PCDHA3: variants seen among roughly 807,000 people sequenced by gnomAD.
The protein encoded by PCDHA3 is protocadherin alpha-3.
Under a neutral mutation model 62.2 loss-of-function variants are expected in PCDHA3, and 41 were observed. The ratio of observed to expected loss-of-function variants is 0.66; its 90% CI spans 0.51 to 0.86. The LOEUF (loss-of-function observed/expected upper bound fraction) is 0.86, where lower values mean the gene tolerates loss of function less well. PCDHA3 is among the 40% of genes least tolerant of loss of function. The pLI, the probability that PCDHA3 is intolerant of heterozygous loss-of-function variation, is 0.00. For synonymous variants in PCDHA3, 640 were observed against 555.4 expected (o/e 1.15, Z -2.14); for missense variants, 1,304 against 1,241.2 (o/e 1.05, Z -0.76).
At chr5:140,848,934 C>A in intron 1 of PCDHA3, 1 of 1,607,578 alleles carries the variant, frequency 6.2e-7, no homozygotes, top group Non-Finnish European at 8.5e-7. Context: ...GGAATCCAGG[C>A]CGCTTGACTC....
chr5:140,950,662 C>T (rs1347125277), intron 1 of PCDHA3, among the ~76,000 whole-genome samples: 1 of 152,030 alleles, frequency 6.6e-6, no homozygotes, highest in East Asian at 1.9e-4. Flanking sequence ...CTGAGTTTAT[C>T]AAACATGTAC....
intron 1 of PCDHA3, chr5:140,966,644 GCGTGAGCGGT>G (rs1554228519): frequency 3.3e-5 from 37 of 1,127,012 alleles, no homozygotes; most frequent in Non-Finnish European, 4.3e-5. Flanking sequence ...GCTTTCTAGA[GCGTGAGCGGT>G]GGGGGAGCAG....
At chr5:140,914,339 C>T (rs1554196289) in intron 1 of PCDHA3, among the ~76,000 whole-genome samples, 1 of 152,130 alleles carries the variant, frequency 6.6e-6, no homozygotes, top group East Asian at 1.9e-4. Flanking sequence ...CCTTCTTTGT[C>T]TCTTTTTGGA....
chr5:140,825,955 C>T (rs1768768479), intron 1 of PCDHA3: 2 of 152,330 alleles, frequency 1.3e-5, no homozygotes, highest in African/African-American at 4.8e-5. Context: ...AACCATTTGT[C>T]TACTCTTTTG....
chr5:141,002,090 A>G (rs1554258504), intron 3 of PCDHA3, among the ~76,000 whole-genome samples: 1 of 152,254 alleles, frequency 6.6e-6, no homozygotes, highest in Non-Finnish European at 1.5e-5. Context: ...CGAGCAGTCC[A>G]GGGGCTGGGC....
chr5:140,895,733 G>C (rs1554186620), intron 1 of PCDHA3, among the ~76,000 whole-genome samples: 1 of 152,030 alleles, frequency 6.6e-6, no homozygotes, highest in Non-Finnish European at 1.5e-5. Context: ...CCATTCAATG[G>C]GCTGCAAAGG....
At position 140,823,008 on chromosome 5, in the gene PCDHA3, C is replaced by T. The variant is rs146843767; in HGVS notation, c.2394+19417C>T. 1.9e-4 allele frequency: 303 copies of T among 1,614,232 alleles called. 1 individual carries two copies. The African/African-American group carries it at 3.5e-3, about 18-fold the overall frequency. On this transcript the variant is annotated intron_variant, in intron 1 of 3. Coordinates refer to ENST00000522353, the MANE Select transcript of PCDHA3 (RefSeq NM_018906.3). ...ACTACTCGTTGGTGCTGGACAGCGCCCTGGACCGCGAGAGCGTGTCGGTCT... is the reference window on the plus strand; with the variant it reads ...ACTACTCGTTGGTGCTGGACAGCGCTCTGGACCGCGAGAGCGTGTCGGTCT...
Position 140,927,170 on chromosome 5 carries a change from G to A in PCDHA3, c.2395-51779G>A, listed in dbSNP as rs370656989. The A allele has an allele frequency of 2.6e-5, 42 of 1,614,048 alleles. No individual in the cohort carries two copies. The highest frequency in any genetic ancestry group is 3.5e-5 in the Non-Finnish European group (41 of 1,180,042). On this transcript the variant is annotated intron_variant, in intron 1 of 3. Coordinates refer to ENST00000522353, the MANE Select transcript of PCDHA3 (RefSeq NM_018906.3). Reference sequence around the variant, plus strand: ...CAGCTGTGCAGGGCCAAAGCTGCCTGCGTCTTGACCTACGACCTGGTGCTC... The same window carrying A: ...CAGCTGTGCAGGGCCAAAGCTGCCTACGTCTTGACCTACGACCTGGTGCTC...
chr5:140,969,557 A>G, intron 1 of PCDHA3: 2 of 1,212,410 alleles, frequency 1.6e-6, no homozygotes, highest in South Asian at 3.3e-5. Context: ...AGCCTTGTCC[A>G]TAAAATTGTT....
At chr5:140,857,777 A>C in intron 1 of PCDHA3, 1 of 1,597,518 alleles carries the variant, frequency 6.3e-7, no homozygotes, top group South Asian at 1.1e-5. Flanking sequence ...CGGTGCAGTC[A>C]GTGAGCTGGT....
In PCDHA3 at chr5:140,802,467, G is replaced by A. The variant is rs1279226863; in HGVS notation, c.1270G>A (p.Val424Met). Residue 424 changes from valine to methionine, a missense_variant, in exon 1 of 4, where the codon GTG (valine) becomes ATG (methionine). Transcript: ENST00000522353. The stretch of plus-strand genomic sequence containing the variant: ...CGAGAGCGTGTCGGCCTATGAGCTG[G>A]TGGTGACTGCTCGGGACGGGGGCTC... ...DRESVSAYEL[V>M]VTARDGGSPS... 1.2e-6 allele frequency: 2 copies of A among 1,614,106 alleles called. No individual in the cohort carries two copies. Among genetic ancestry groups the A allele is most frequent in the Non-Finnish European group, 1.7e-6 (2 of 1,180,044 alleles).
At chr5:140,877,260 G>C (rs1329010026) in intron 1 of PCDHA3, 3 of 1,613,652 alleles carry the variant, frequency 1.9e-6, no homozygotes, top group Non-Finnish European at 2.5e-6. Flanking sequence ...AAGTGCGCGC[G>C]GTGGACGCTG....
chr5:140,966,968 G>C, intron 1 of PCDHA3: 2 of 1,602,616 alleles, frequency 1.2e-6, no homozygotes, highest in Non-Finnish European at 1.7e-6. Context: ...GCTGGGGCTT[G>C]AGCTGCGGCG....
intron 1 of PCDHA3, chr5:140,810,657 T>A (rs1334906011): frequency 7.1e-6 from 1 of 140,010 alleles, no homozygotes; most frequent in Non-Finnish European, 1.5e-5. Context: ...CTCTAGTCTG[T>A]TGTTTTTCTT....
intron 3 of PCDHA3, among the ~76,000 whole-genome samples, chr5:140,994,812 A>G (rs565084284): frequency 6.6e-5 from 10 of 152,328 alleles, no homozygotes; most frequent in African/African-American, 2.2e-4. Flanking sequence ...CAAAATACAA[A>G]AAACTGAATT....
intron 1 of PCDHA3, chr5:140,835,504 T>C: frequency 1.2e-6 from 2 of 1,613,936 alleles, no homozygotes; most frequent in Non-Finnish European, 1.7e-6. Flanking sequence ...TTGATTAGCG[T>C]GTTTGACCGA....
intron 1 of PCDHA3, chr5:140,842,491 GC>G (rs1554139099): frequency 2.5e-6 from 4 of 1,613,896 alleles, no homozygotes; most frequent in Non-Finnish European, 3.4e-6. Context: ...GCTCCCTGAT[GC>G]CCCATGTCCC....
At chr5:140,911,258 T>C (rs265316) in intron 1 of PCDHA3, among the ~76,000 whole-genome samples, 87,913 of 151,980 alleles carry the variant, frequency 0.58, 26,381 homozygotes, top group African/African-American at 0.75. Flanking sequence ...TCAGAATTTA[T>C]AATCTCAGTG....
intron 3 of PCDHA3, among the ~76,000 whole-genome samples, chr5:140,999,874 T>G (rs897953919): frequency 6.6e-6 from 1 of 152,122 alleles, no homozygotes; most frequent in Admixed American, 6.5e-5. Flanking sequence ...TTACTGAAAA[T>G]TAGCCCAGCT....
Sources: allele counts gnomAD v4.1 joint callset (sites outside exome capture counted in the v4.1 genomes callset), GRCh38; gene constraint gnomAD v4.1.1; transcripts MANE v1.5; gene names NCBI Gene and HGNC (gene_info 2026-07-23, HGNC 2026-07-21).